DPP10: variants seen among roughly 807,000 people sequenced by gnomAD.
DPP10 encodes inactive dipeptidyl peptidase 10.
A neutral mutation model predicts 120.9 loss-of-function variants in DPP10; 33 were observed. The ratio of observed to expected loss-of-function variants is 0.27; its 90% CI spans 0.21 to 0.37. DPP10 has a LOEUF of 0.37. DPP10 is among the 10% of genes least tolerant of loss of function. The pLI is 1.00. For synonymous variants in DPP10, 337 were observed against 326.1 expected, an observed-to-expected ratio of 1.03 and a Z score of -0.36; for missense variants, 816 against 942.8, an observed-to-expected ratio of 0.87 and a Z score of 1.76.
At chr2:115,500,875 T>C (rs1419978957) in intron 4 of DPP10, among the ~76,000 whole-genome samples, 1 of 151,922 alleles carries the variant, frequency 6.6e-6, no homozygotes, top group Non-Finnish European at 1.5e-5. Context: ...CTTCAGTGGA[T>C]GGTCCTCAGG....
chr2:114,758,686 T>TA (rs529347919), intron 1 of DPP10, among the ~76,000 whole-genome samples: 21 of 151,870 alleles, frequency 1.4e-4, no homozygotes, highest in South Asian at 4.2e-4. Flanking sequence ...TCCTCTCTGT[T>TA]AAAAAAAAGG....
intron 7 of DPP10, among the ~76,000 whole-genome samples, chr2:115,706,154 G>A (rs949428633): frequency 6.6e-6 from 1 of 151,854 alleles, no homozygotes; most frequent in Admixed American, 6.6e-5. Flanking sequence ...CATTGTGCAG[G>A]TATGTGGGAC....
intron 1 of DPP10, among the ~76,000 whole-genome samples, chr2:114,936,853 C>T (rs1366624948): frequency 6.6e-6 from 1 of 152,152 alleles, no homozygotes; most frequent in Non-Finnish European, 1.5e-5. Context: ...TAATACTGAG[C>T]ATTTTTACAT....
intron 4 of DPP10, among the ~76,000 whole-genome samples, chr2:115,505,051 A>G (rs1244385263): frequency 6.6e-6 from 1 of 152,108 alleles, no homozygotes; most frequent in Non-Finnish European, 1.5e-5. Flanking sequence ...TGAAGGATCT[A>G]GAAATTAGAT....
At chr2:114,481,985 A>AAG (rs149076386) in intron 1 of DPP10, among the ~76,000 whole-genome samples, 6,367 of 150,182 alleles carry the variant, frequency 0.042, 178 homozygotes, top group Middle Eastern at 0.086. Flanking sequence ...GAGAGAAAGA[A>AAG]AGAGAGAGAG....
chr2:115,800,038 T>G (rs374621638), intron 19 of DPP10, among the ~76,000 whole-genome samples: 16 of 151,476 alleles, frequency 1.1e-4, no homozygotes, highest in African/African-American at 3.9e-4. Flanking sequence ...TGAACTAGTT[T>G]ACAGTCCCAC....
intron 3 of DPP10, among the ~76,000 whole-genome samples, chr2:115,427,516 A>C (rs2070592875): frequency 6.6e-6 from 1 of 152,170 alleles, no homozygotes; most frequent in Non-Finnish European, 1.5e-5. Context: ...CCCAAGCTGT[A>C]CTGTGAGGCC....
intron 1 of DPP10, among the ~76,000 whole-genome samples, chr2:114,523,829 C>A (rs977207371): frequency 6.6e-6 from 1 of 152,162 alleles, no homozygotes; most frequent in African/African-American, 2.4e-5. Flanking sequence ...CTCATCCCAT[C>A]CCCCTTTTCT....
chr2:114,693,737 C>CTT (rs1220431310), intron 1 of DPP10, among the ~76,000 whole-genome samples: 1 of 151,868 alleles, frequency 6.6e-6, no homozygotes, highest in Non-Finnish European at 1.5e-5. Flanking sequence ...GGTTCTGTCT[C>CTT]TTTACATAAT....
chr2:114,776,240 A>G (rs982362885), intron 1 of DPP10, among the ~76,000 whole-genome samples: 5 of 152,032 alleles, frequency 3.3e-5, no homozygotes, highest in Admixed American at 6.6e-5. Flanking sequence ...ACACAAACAA[A>G]CCTCCATGAT....
intron 1 of DPP10, among the ~76,000 whole-genome samples, chr2:115,100,168 C>T (rs2048609929): frequency 6.6e-6 from 1 of 152,110 alleles, no homozygotes; most frequent in South Asian, 2.1e-4. Flanking sequence ...CTGTTGGCTG[C>T]ATGCAGTGGT....
intron 7 of DPP10, among the ~76,000 whole-genome samples, chr2:115,705,164 T>A (rs1448065003): frequency 6.6e-6 from 1 of 151,954 alleles, no homozygotes; most frequent in Non-Finnish European, 1.5e-5. Flanking sequence ...AATCTCTTAC[T>A]TCATTACTAA....
chr2:115,638,917 G>T (rs1257367609), intron 5 of DPP10, among the ~76,000 whole-genome samples: 1 of 152,192 alleles, frequency 6.6e-6, no homozygotes, highest in African/African-American at 2.4e-5. Flanking sequence ...ATCACTGGCT[G>T]GTTTTCCTGA....
chr2:115,108,622 T>C (rs995421865), intron 1 of DPP10, among the ~76,000 whole-genome samples: 2 of 152,192 alleles, frequency 1.3e-5, no homozygotes, highest in Non-Finnish European at 2.9e-5. Flanking sequence ...GTGCAGGAAT[T>C]ACAGATTTTC....
At chr2:115,288,610 C>T (rs2060504221) in intron 1 of DPP10, among the ~76,000 whole-genome samples, 1 of 151,908 alleles carries the variant, frequency 6.6e-6, no homozygotes, top group South Asian at 2.1e-4. Flanking sequence ...GTAATCCCAG[C>T]TACTCGGGAG....
chr2:114,669,297 C>CA, intron 1 of DPP10, among the ~76,000 whole-genome samples: 1 of 152,160 alleles, frequency 6.6e-6, no homozygotes, highest in South Asian at 2.1e-4. Flanking sequence ...AATGCATATG[C>CA]AAAAAGCATT....
chr2:115,197,725 T>TA (rs776513638), intron 1 of DPP10, among the ~76,000 whole-genome samples: 5 of 152,230 alleles, frequency 3.3e-5, no homozygotes, highest in African/African-American at 9.6e-5. Flanking sequence ...ATCTTGGCTG[T>TA]AAAATTTGAC....
intron 1 of DPP10, among the ~76,000 whole-genome samples, chr2:114,455,156 T>TTTTG (rs1553443770): frequency 6.8e-6 from 1 of 147,392 alleles, no homozygotes; most frequent in African/African-American, 2.5e-5. Flanking sequence ...TTTCTTTCTA[T>TTTTG]TGTGTGTGTG....
chr2:114,552,257 A>G (rs187008835), intron 1 of DPP10, among the ~76,000 whole-genome samples: 32 of 152,362 alleles, frequency 2.1e-4, no homozygotes, highest in African/African-American at 7.7e-4. Flanking sequence ...GGATGAGACA[A>G]TATATGCCAA....
Sources: gnomAD v4.1 joint callset for allele counts (sites outside exome capture counted in the v4.1 genomes callset) on GRCh38, gnomAD v4.1.1 for gene constraint, MANE v1.5 for transcripts, NCBI Gene and HGNC (gene_info 2026-07-23, HGNC 2026-07-21) for gene names.